Variants in PDE4D observed in about 807,000 individuals in gnomAD.
PDE4D encodes the protein phosphodiesterase 4D.
PDE4D carries 24 observed loss-of-function variants against 87.4 expected under a neutral mutation model. That is an observed-to-expected ratio of 0.27 (90% CI 0.20 to 0.39). The LOEUF is 0.39. PDE4D is among the 10% of genes least tolerant of loss of function. PDE4D has a pLI of 1.00. For synonymous variants in PDE4D, 384 were observed against 383.2 expected, an observed-to-expected ratio of 1.00 and a Z score of -0.02; for missense variants, 714 against 1,041.0, an observed-to-expected ratio of 0.69 and a Z score of 4.32.
chr5:59,419,979 C>T (rs1794217386), intron 1 of PDE4D, among the ~76,000 whole-genome samples: 1 of 152,180 alleles, frequency 6.6e-6, no homozygotes, highest in South Asian at 2.1e-4. Context: ...CTCAATCACA[C>T]TTACTAGTGA....
At chr5:59,188,420 AAT>A (rs1366915022) in intron 3 of PDE4D, among the ~76,000 whole-genome samples, 1 of 152,168 alleles carries the variant, frequency 6.6e-6, no homozygotes, top group African/African-American at 2.4e-5. Flanking sequence ...GGAAGGATTC[AAT>A]GTTATTTACG....
intron 1 of PDE4D, among the ~76,000 whole-genome samples, chr5:59,844,390 C>T (rs1743511885): frequency 6.6e-6 from 1 of 152,066 alleles, no homozygotes. Context: ...GTTATATAAA[C>T]ACATATCCTG....
chr5:59,247,657 T>A (rs1200794458), intron 1 of PDE4D, among the ~76,000 whole-genome samples: 1 of 152,118 alleles, frequency 6.6e-6, no homozygotes, highest in Non-Finnish European at 1.5e-5. Flanking sequence ...AATGGCTGAA[T>A]AGGTAGCCTG....
chr5:59,771,770 C>G (rs10052367), intron 1 of PDE4D, among the ~76,000 whole-genome samples: 3,787 of 152,256 alleles, frequency 0.025, 72 homozygotes, highest in South Asian at 0.05. Context: ...TAACAATATT[C>G]TATTCAAAAT....
At chr5:60,183,156 C>G (rs924732990) in intron 2 of PDE4D, among the ~76,000 whole-genome samples, 19 of 152,222 alleles carry the variant, frequency 1.2e-4, no homozygotes, top group Non-Finnish European at 1.9e-4. Context: ...CAAACCAGGA[C>G]GAGAGAGCTT....
chr5:60,230,179 T>C (rs975442507), intron 1 of PDE4D, among the ~76,000 whole-genome samples: 1 of 152,086 alleles, frequency 6.6e-6, no homozygotes, highest in Non-Finnish European at 1.5e-5. Context: ...TTAAATTCAA[T>C]TTTAAAAAAC....
chr5:60,236,724 T>C (rs1467372325), intron 1 of PDE4D, among the ~76,000 whole-genome samples: 2 of 151,802 alleles, frequency 1.3e-5, no homozygotes, highest in Non-Finnish European at 2.9e-5. Flanking sequence ...GAGGTAAGAA[T>C]GATATGATAT....
chr5:59,003,220 GTAA>G (rs1284491256), intron 6 of PDE4D, among the ~76,000 whole-genome samples: 1 of 152,128 alleles, frequency 6.6e-6, no homozygotes, highest in Non-Finnish European at 1.5e-5. Flanking sequence ...TTCAAAGCTA[GTAA>G]TGCCTGCTTC....
chr5:60,262,776 C>T (rs1425996630), intron 1 of PDE4D, among the ~76,000 whole-genome samples: 2 of 152,162 alleles, frequency 1.3e-5, no homozygotes, highest in Admixed American at 6.5e-5. Flanking sequence ...ACAACCTCAG[C>T]GAGGGTTCCT....
chr5:60,495,738 C>T (rs1583935000), intron 1 of PDE4D, among the ~76,000 whole-genome samples: 1 of 152,166 alleles, frequency 6.6e-6, no homozygotes, highest in Non-Finnish European at 1.5e-5. Flanking sequence ...GGATACAGTA[C>T]GTGTCCTTCT....
intron 1 of PDE4D, chr5:59,586,412 T>C (rs1307332351): frequency 1.0e-5 from 16 of 1,606,122 alleles, no homozygotes; most frequent in East Asian, 2.2e-5. Flanking sequence ...TTTTCTTGTC[T>C]CCTACGTTAC....
chr5:59,096,775 TA>T (rs905036134), intron 5 of PDE4D, among the ~76,000 whole-genome samples: 2 of 152,146 alleles, frequency 1.3e-5, no homozygotes, highest in African/African-American at 4.8e-5. Flanking sequence ...ACAGAGAAAC[TA>T]AATCCTCATG....
intron 1 of PDE4D, among the ~76,000 whole-genome samples, chr5:60,396,578 TG>T (rs1369981074): frequency 1.3e-5 from 2 of 152,104 alleles, no homozygotes; most frequent in East Asian, 3.9e-4. Flanking sequence ...TGCAGTAGTG[TG>T]ATCATAGTTC....
At chr5:60,048,869 T>C (rs549028036) in intron 2 of PDE4D, among the ~76,000 whole-genome samples, 24 of 152,176 alleles carry the variant, frequency 1.6e-4, no homozygotes, top group Non-Finnish European at 2.9e-4. Flanking sequence ...TCGAGGAGTA[T>C]CTTTTTGGCA....
At chr5:59,507,970 G>T (rs1313329061) in intron 1 of PDE4D, among the ~76,000 whole-genome samples, 1 of 151,824 alleles carries the variant, frequency 6.6e-6, no homozygotes, top group African/African-American at 2.4e-5. Flanking sequence ...TTCCTCTTAT[G>T]GTATAATTCA....
chr5:59,145,102 T>C (rs1778438556), intron 5 of PDE4D, among the ~76,000 whole-genome samples: 1 of 152,184 alleles, frequency 6.6e-6, no homozygotes, highest in African/African-American at 2.4e-5. Context: ...GAAAGGTGTA[T>C]TTGTTGAATG....
chr5:59,780,965 G>A (rs761177390), intron 1 of PDE4D, among the ~76,000 whole-genome samples: 52 of 151,694 alleles, frequency 3.4e-4, no homozygotes, highest in Non-Finnish European at 1.6e-4. Context: ...TCAGGAGTTC[G>A]AGACCAGCCT....
chr5:60,034,955 C>T (rs1767628130), intron 2 of PDE4D, among the ~76,000 whole-genome samples: 1 of 152,140 alleles, frequency 6.6e-6, no homozygotes, highest in Non-Finnish European at 1.5e-5. Context: ...GGAAGATCAT[C>T]CAGGCAAAAT....
chr5:60,461,835 T>C (rs1490007092), intron 1 of PDE4D, among the ~76,000 whole-genome samples: 2 of 152,188 alleles, frequency 1.3e-5, no homozygotes, highest in African/African-American at 2.4e-5. Flanking sequence ...ATATATGACA[T>C]TTAAAGACAA....
Sources: allele counts gnomAD v4.1 joint callset (sites outside exome capture counted in the v4.1 genomes callset), GRCh38; gene constraint gnomAD v4.1.1; transcripts MANE v1.5; gene names NCBI Gene and HGNC (gene_info 2026-07-23, HGNC 2026-07-21).